The following DGKD variants were observed in gnomAD, a reference collection of about 807,000 sequenced individuals.
The protein encoded by DGKD is diacylglycerol kinase delta.
Under a neutral mutation model 154.4 loss-of-function variants are expected in DGKD, and 68 were observed. The ratio of observed to expected loss-of-function variants is 0.44; its 90% confidence interval spans 0.36 to 0.54. The LOEUF (loss-of-function observed/expected upper bound fraction) is 0.54. Ranked by LOEUF, DGKD falls within the 20% of genes least tolerant of loss-of-function variation. DGKD has a pLI of 0.00. For missense variants in DGKD, 1,343 were observed against 1,593.6 expected (o/e 0.84, Z 2.68); for synonymous variants, 693 against 638.0 (o/e 1.09, Z -1.30).
rs1559183853 is a variant in DGKD at position 233,463,507 on chromosome 2, GCACGCATGTCCTCACTC to G, written c.3187-649_3187-633del. Among the ~76,000 whole-genome samples the G allele has an allele frequency of 1.1e-3, 52 of 49,388 alleles. 1 individual carries two copies. The highest frequency in any genetic ancestry group is 6.8e-3 in the African/African-American group (49 of 7,254). The allele number at this position is 49,388 out of a possible 152,430, so 32.4% of individuals were successfully genotyped here. A position where few individuals can be genotyped will look rare whatever the true frequency, so the allele number is the denominator to read the frequency against. On this transcript the variant is annotated intron_variant, in intron 26 of 29. Transcript: ENST00000264057. ...TCCTCACTGCACGCATGTCCTCACT[GCACGCATGTCCTCACTC>G]CACGCATCTCCTCACTCCACGCATC...
rs543361014 is a variant in DGKD, at chr2:233,461,226, C to T, written c.2981+881C>T. ...CCGGTGCGGGGCCTGCCTGCATTCT[C>T]CCCCCGTGGCCGCACGCTGGCTGGT... On this transcript the variant is annotated intron_variant, in intron 24 of 29. Transcript: ENST00000264057. Among the ~76,000 whole-genome samples the T allele has an allele frequency of 9.2e-5, 14 of 152,288 alleles. No homozygotes were observed. In the South Asian group the frequency reaches 2.9e-3, roughly 32 times the overall value.
In DGKD at chr2:233,429,723, A is replaced by G. The variant is rs545632028; in HGVS notation, c.349-4657A>G. ...CTGTTTGTGGTGCTCTCAAGCTTGA[A>G]CAGCAGCAGGGCAGAAGGCAGACGG... is the stretch of plus-strand genomic sequence containing the variant. On this transcript the variant is annotated intron_variant, in intron 3 of 29. Transcript: ENST00000264057. Among the ~76,000 whole-genome samples, 51 of 152,330 alleles carry G rather than the reference A, an allele frequency of 3.3e-4. No homozygotes were observed. The South Asian group carries it at 0.011, about 32-fold the overall frequency.
Position 233,440,380 on chromosome 2 carries a change from G to C in DGKD, c.1086-1507G>C, listed in dbSNP as rs564021931. ...TCATTCTGGGTCAGACACTGAGCTC[G>C]AGGCAGGGTGCGCAGGTGAGCCAGG... is the stretch of plus-strand genomic sequence containing the variant. On this transcript the variant is annotated intron_variant, in intron 9 of 29. Transcript: ENST00000264057. The surrounding 1 kb of genome is among the most constrained non-coding windows in gnomAD (Gnocchi z 4.9). Among the ~76,000 whole-genome samples, 4 of 152,214 alleles carry C rather than the reference G, an allele frequency of 2.6e-5. No homozygotes were observed. The South Asian group carries it at 6.2e-4, about 24-fold the overall frequency.
At chr2:233,357,923 C>T (rs2125368480) in intron 1 of DGKD, among the ~76,000 whole-genome samples, 1 of 152,324 alleles carries the variant, frequency 6.6e-6, no homozygotes, top group Admixed American at 6.5e-5. Flanking sequence ...TTATGGCACA[C>T]ATGTAAAGAG....
intron 1 of DGKD, among the ~76,000 whole-genome samples, chr2:233,366,197 A>G (rs1386252350): frequency 6.6e-6 from 1 of 152,174 alleles, no homozygotes; most frequent in Non-Finnish European, 1.5e-5. Context: ...TTTCCCCCAG[A>G]TTAGTGGGAT....
intron 3 of DGKD, among the ~76,000 whole-genome samples, chr2:233,433,679 A>G (rs543804306): frequency 2.6e-4 from 39 of 152,324 alleles, no homozygotes; most frequent in African/African-American, 8.7e-4. Flanking sequence ...AGAGTGTCTC[A>G]TATGCCCCAT....
chr2:233,384,400 CCTCCGTGTA>C (rs1490913372), intron 1 of DGKD, among the ~76,000 whole-genome samples: 1 of 152,158 alleles, frequency 6.6e-6, no homozygotes, highest in Non-Finnish European at 1.5e-5. Flanking sequence ...TTTCCCTGGG[CCTCCGTGTA>C]CTCCATGCTT....
At chr2:233,390,827 G>A (rs1297774227) in intron 3 of DGKD, among the ~76,000 whole-genome samples, 2 of 152,158 alleles carry the variant, frequency 1.3e-5, no homozygotes, top group Non-Finnish European at 1.5e-5. Context: ...TCCGCCTCCC[G>A]AGTTCAAGCG....
intron 1 of DGKD, among the ~76,000 whole-genome samples, chr2:233,366,761 T>C (rs1702046910): frequency 6.6e-6 from 1 of 151,898 alleles, no homozygotes; most frequent in African/African-American, 2.4e-5. Flanking sequence ...GTGAGGACAG[T>C]GTGACGGGGT....
At chr2:233,362,615 C>G (rs1463071820) in intron 1 of DGKD, among the ~76,000 whole-genome samples, 1 of 152,156 alleles carries the variant, frequency 6.6e-6, no homozygotes, top group East Asian at 1.9e-4. Context: ...CACACCATTA[C>G]ACTACAGCCT....
chr2:233,471,800 G>T lies in DGKD; in HGVS notation c.*2340G>T, dbSNP rs1413406565. On this transcript the variant is annotated 3_prime_UTR_variant, in exon 30 of 30. Transcript: ENST00000264057. ...GTGCTGGGCTGGCGTCCCGCACTGG[G>T]GTGTCCTCGCTGTCTGGGGGCTGCT... 1 of 152,390 alleles carries T rather than the reference G, an allele frequency of 6.6e-6. No individual in the cohort carries two copies. The highest frequency in any genetic ancestry group is 1.5e-5 in the Non-Finnish European group (1 of 68,062). 9.4% of individuals were successfully genotyped at this position (152,390 alleles called of 1,614,324 possible).
rs1340446120 is a variant in DGKD, at chr2:233,469,575, G to A, written c.*115G>A. The A allele has an allele frequency of 5.9e-6, 5 of 847,966 alleles. No individual in the cohort carries two copies. In the African/African-American group the frequency reaches 8.4e-5, roughly 14 times the overall value. The allele number at this position is 847,966 out of a possible 1,614,324, so 52.5% of individuals were successfully genotyped here. ...ACTGAGGCCCTGGGCAGATGCTGCA[G>A]CCCGCCCCCTTCTCATGGTGCTACT... On this transcript the variant is annotated 3_prime_UTR_variant, in exon 30 of 30. Transcript: ENST00000264057.
chr2:233,435,894 C>T lies in DGKD; in HGVS notation c.663C>T (p.Ile221=), dbSNP rs199790481. The T allele has an allele frequency of 5.6e-5, 91 of 1,611,404 alleles. No homozygotes were observed. In the Middle Eastern group the frequency reaches 2.5e-3, roughly 44 times the overall value. ...NNCKWTTLAS[I]GKDIIEDADG... ...GCAAGTGGACCACACTGGCCTCGAT[C>T]GGGAAGGACATCATTGAAGATGCAG... The change falls in exon 6 of 30, where the codon ATC becomes ATT. Residue 221 remains isoleucine (I), a synonymous_variant. Transcript: ENST00000264057.
chr2:233,405,693 C>G (rs935471332), intron 3 of DGKD, among the ~76,000 whole-genome samples: 8 of 152,126 alleles, frequency 5.3e-5, no homozygotes, highest in Non-Finnish European at 1.0e-4. Flanking sequence ...CACCAGATGC[C>G]GCACCATGCT....
chr2:233,462,792 C>T lies in DGKD; in HGVS notation c.3186+57C>T, dbSNP rs112152806. The stretch of plus-strand genomic sequence containing the variant: ...GGGCTGTGTGTGAAACGACTGCTGT[C>T]GCCAGGTTGCTGGGCACACAGGGCA... On this transcript the variant is annotated intron_variant, in intron 26 of 29. Coordinates refer to ENST00000264057, the MANE Select transcript of DGKD (RefSeq NM_152879.3). 36 of 1,486,740 alleles carry T rather than the reference C, an allele frequency of 2.4e-5. 1 individual carries two copies. The highest frequency in any genetic ancestry group is 1.8e-4 in the East Asian group (8 of 44,312). The allele number at this position is 1,486,740 out of a possible 1,614,324, so 92.1% of individuals were successfully genotyped here.
intron 16 of DGKD, 85 bp downstream of exon 16, chr2:233,450,216 G>A: frequency 6.9e-7 from 1 of 1,451,540 alleles, no homozygotes; most frequent in Non-Finnish European, 9.1e-7. Context: ...GAGGTTTTAG[G>A]GCACTTTCTC....
intron 1 of DGKD, among the ~76,000 whole-genome samples, chr2:233,365,609 G>GT (rs1701988088): frequency 6.6e-6 from 1 of 152,108 alleles, no homozygotes; most frequent in Non-Finnish European, 1.5e-5. Context: ...TAGAATCTAA[G>GT]TTTTTTTCCA....
chr2:233,412,272 T>C (rs2061848667), intron 3 of DGKD, among the ~76,000 whole-genome samples: 1 of 152,202 alleles, frequency 6.6e-6, no homozygotes, highest in South Asian at 2.1e-4. Context: ...CTCTCTCTCT[T>C]TATTTAGGTG....
Position 233,448,147 on chromosome 2 carries a change from T to G in DGKD, c.1480T>G (p.Ser494Ala). The G allele has an allele frequency of 6.2e-7, 1 of 1,613,962 alleles. No individual in the cohort carries two copies. The highest frequency in any genetic ancestry group is 8.5e-7 in the Non-Finnish European group (1 of 1,179,972). ...VAAHLSKILT[S>A]DQHSVVISSA... ...AGCCCACCTTTCTAAAATCCTCACCTCGGACCAGCACTCGGTGGTCATCTC... is the reference window on the plus strand; with the variant it reads ...AGCCCACCTTTCTAAAATCCTCACCGCGGACCAGCACTCGGTGGTCATCTC... The change falls in exon 13 of 30, where the codon TCG (serine) becomes GCG (alanine). Residue 494 changes from serine to alanine, a missense_variant. Physicochemically the swap from Ser to Ala is moderately conservative, Grantham distance 99. This residue lies in a region of DGKD where 409 missense variants were observed against 446.0 expected (regional missense o/e 0.92). Coordinates refer to ENST00000264057, the MANE Select transcript of DGKD (RefSeq NM_152879.3).
Sources: gnomAD v4.1 joint callset for allele counts (sites outside exome capture counted in the v4.1 genomes callset) on GRCh38, gnomAD v4.1.1 for gene constraint, gnomAD v4.1.1 regional missense constraint, Gnocchi (gnomAD v3.1) non-coding constraint, MANE v1.5 for transcripts, NCBI Gene and HGNC (gene_info 2026-07-23, HGNC 2026-07-21) for gene names.